Variants in AFF3 observed in about 807,000 individuals in gnomAD.
The protein encoded by AFF3 is AF4/FMR2 family member 3.
In AFF3, 32 loss-of-function variants were observed where a neutral mutation model predicts 129.7. That is an observed-to-expected ratio of 0.25 (90% CI 0.19 to 0.33). AFF3 has a LOEUF of 0.33. AFF3 is among the 10% of genes least tolerant of loss of function. AFF3 has a pLI of 1.00. For synonymous variants in AFF3, 644 were observed against 635.4 expected (o/e 1.01, Z -0.20); for missense variants, 1,373 against 1,592.0 (o/e 0.86, Z 2.34).
At chr2:99,813,827 T>C (rs1000855030) in intron 8 of AFF3, among the ~76,000 whole-genome samples, 4 of 152,184 alleles carry the variant, frequency 2.6e-5, no homozygotes, top group African/African-American at 9.7e-5. Flanking sequence ...CACAGTCACA[T>C]AGAACAAAAC....
At chr2:100,053,852 G>A (rs1320722937) in intron 4 of AFF3, among the ~76,000 whole-genome samples, 1 of 152,204 alleles carries the variant, frequency 6.6e-6, no homozygotes, top group Non-Finnish European at 1.5e-5. Context: ...GGGGCCTGAA[G>A]AGTGTTTGTG....
intron 1 of AFF3, among the ~76,000 whole-genome samples, chr2:100,136,344 G>A (rs906181480): frequency 6.6e-6 from 1 of 152,148 alleles, no homozygotes; most frequent in East Asian, 1.9e-4. Flanking sequence ...GCACCCAAAA[G>A]GGAGGCCGAG....
At chr2:99,805,815 C>CACAG (rs1686300214) in intron 8 of AFF3, among the ~76,000 whole-genome samples, 1 of 122,048 alleles carries the variant, frequency 8.2e-6, no homozygotes. Context: ...AGGAGTCTTA[C>CACAG]ACACACACAC....
intron 18 of AFF3, among the ~76,000 whole-genome samples, chr2:99,573,256 ATTTC>A (rs1676674805): frequency 7.0e-6 from 1 of 142,190 alleles, no homozygotes; most frequent in Admixed American, 6.8e-5. Context: ...ATCCTACTTC[ATTTC>A]TTTCTCTCTC....
intron 7 of AFF3, among the ~76,000 whole-genome samples, chr2:99,914,131 C>T (rs1032927381): frequency 6.6e-6 from 1 of 152,002 alleles, no homozygotes; most frequent in Admixed American, 6.6e-5. Flanking sequence ...TGGCAGATAC[C>T]CTCTTAACCA....
chr2:100,118,118 G>A (rs1425858747), intron 2 of AFF3, among the ~76,000 whole-genome samples: 1 of 152,136 alleles, frequency 6.6e-6, no homozygotes, highest in Non-Finnish European at 1.5e-5. Context: ...CTGGAGCAGG[G>A]TGCTGTAATT....
chr2:99,932,615 A>G (rs911107297), intron 7 of AFF3, among the ~76,000 whole-genome samples: 3 of 152,194 alleles, frequency 2.0e-5, no homozygotes, highest in African/African-American at 4.8e-5. Context: ...GGCCTTGCAC[A>G]CTATGGCCCC....
At chr2:99,623,022 C>A (rs150406576) in intron 13 of AFF3, among the ~76,000 whole-genome samples, 2 of 152,014 alleles carry the variant, frequency 1.3e-5, no homozygotes, top group Non-Finnish European at 2.9e-5. Flanking sequence ...TTTTGGTGGT[C>A]GAAGGGAGAG....
In AFF3 at chr2:99,593,833, CCGCGGG is replaced by C. The variant is rs1234197681; in HGVS notation, c.1822_1827del (p.Pro608_Ala609del). On this transcript the variant is annotated inframe_deletion, in exon 15 of 25. Coordinates refer to ENST00000672756, the MANE Select transcript of AFF3 (RefSeq NM_001386135.1). ...ACGCTCGTCCCCAGCGCGTCCGCGG[CCGCGGG>C]CTCCTCGGGCCGGTGGCAGTTGGCG... 2 of 1,603,742 alleles carry C rather than the reference CCGCGGG, an allele frequency of 1.2e-6. No individual in the cohort carries two copies. The highest frequency in any genetic ancestry group is 1.7e-6 in the Non-Finnish European group (2 of 1,176,194).
intron 11 of AFF3, among the ~76,000 whole-genome samples, chr2:99,677,901 C>T (rs1674148330): frequency 6.6e-6 from 1 of 152,138 alleles, no homozygotes; most frequent in East Asian, 1.9e-4. Flanking sequence ...TCACTGCAGC[C>T]TTGAACTCCT....
At chr2:99,894,051 A>C (rs972784170) in intron 7 of AFF3, among the ~76,000 whole-genome samples, 1 of 152,176 alleles carries the variant, frequency 6.6e-6, no homozygotes, top group African/African-American at 2.4e-5. Flanking sequence ...GTGCAAAATC[A>C]GACCTTTGCA....
At chr2:99,971,151 G>GA (rs1177507134) in intron 7 of AFF3, among the ~76,000 whole-genome samples, 1 of 152,072 alleles carries the variant, frequency 6.6e-6, no homozygotes, top group Non-Finnish European at 1.5e-5. Flanking sequence ...ACCTCGGTGG[G>GA]ATGGTGAATC....
chr2:100,128,244 A>G (rs1416158488), intron 2 of AFF3, among the ~76,000 whole-genome samples: 3 of 152,182 alleles, frequency 2.0e-5, no homozygotes, highest in Non-Finnish European at 4.4e-5. Flanking sequence ...CGTTTTTAAT[A>G]AACTTGTTTT....
intron 7 of AFF3, among the ~76,000 whole-genome samples, chr2:99,932,252 T>C (rs1229873117): frequency 6.6e-6 from 1 of 152,184 alleles, no homozygotes; most frequent in Non-Finnish European, 1.5e-5. Context: ...TTAGTTTATT[T>C]TATGTGTGGC....
intron 8 of AFF3, among the ~76,000 whole-genome samples, chr2:99,834,674 CAGA>C (rs1688736123): frequency 6.6e-6 from 1 of 152,218 alleles, no homozygotes; most frequent in Admixed American, 6.5e-5. Context: ...CTCGTCCTCT[CAGA>C]AACTCTGAAC....
At chr2:99,608,234 T>C (rs1257628722) in intron 13 of AFF3, among the ~76,000 whole-genome samples, 2 of 152,198 alleles carry the variant, frequency 1.3e-5, no homozygotes. Context: ...CCTTTCTCCC[T>C]TTTTCCTTTG....
intron 7 of AFF3, among the ~76,000 whole-genome samples, chr2:99,980,425 G>A (rs1480400709): frequency 6.6e-6 from 1 of 152,202 alleles, no homozygotes; most frequent in Non-Finnish European, 1.5e-5. Flanking sequence ...CAACTGTGCT[G>A]GAGGGACATG....
intron 13 of AFF3, among the ~76,000 whole-genome samples, chr2:99,618,364 T>C (rs560766836): frequency 6.6e-6 from 1 of 150,736 alleles, no homozygotes; most frequent in Admixed American, 6.7e-5. Flanking sequence ...GCTTCCTGAG[T>C]AGCTGGGATT....
At chr2:99,772,416 AC>A (rs1470531068) in intron 8 of AFF3, among the ~76,000 whole-genome samples, 2 of 152,194 alleles carry the variant, frequency 1.3e-5, no homozygotes, top group African/African-American at 4.8e-5. Flanking sequence ...ACACACAAAT[AC>A]ATGTCAGGAT....
Sources: allele counts gnomAD v4.1 joint callset (sites outside exome capture counted in the v4.1 genomes callset), GRCh38; gene constraint gnomAD v4.1.1; transcripts MANE v1.5; gene names NCBI Gene and HGNC (gene_info 2026-07-23, HGNC 2026-07-21).